Variants in CLPP observed in about 807,000 individuals in gnomAD.
CLPP encodes the protein caseinolytic mitochondrial matrix peptidase proteolytic subunit.
CLPP carries 14 observed loss-of-function variants against 27.4 expected under a neutral mutation model. That is an observed-to-expected ratio of 0.51 (90% CI 0.34 to 0.80). The LOEUF is 0.80. Ranked by LOEUF, CLPP falls within the 30% of genes least tolerant of loss-of-function variation. CLPP has a pLI of 0.02. For synonymous variants in CLPP, 193 were observed against 166.6 expected (o/e 1.16, Z -1.22); for missense variants, 361 against 403.6 (o/e 0.89, Z 0.90).
intron 5 of CLPP, among the ~76,000 whole-genome samples, chr19:6,367,236 G>A (rs2091867095): frequency 6.6e-6 from 1 of 151,962 alleles, no homozygotes; most frequent in Non-Finnish European, 1.5e-5. Flanking sequence ...CTAGCCAGGT[G>A]TGTTGGCACA....
chr19:6,370,184 T>C lies in CLPP; in HGVS notation c.*1474T>C, dbSNP rs2091881160. Among the ~76,000 whole-genome samples the C allele has an allele frequency of 1.3e-5, 2 of 152,164 alleles. No individual in the cohort carries two copies. Among genetic ancestry groups the C allele is most frequent in the Admixed American group, 1.3e-4 (2 of 15,278 alleles). On this transcript the variant is annotated 3_prime_UTR_variant, in exon 6 of 6. Transcript: ENST00000245816. ...TTTGGATATATTATACCTGATGTTT[T>C]GATATGTCCCTCGACATCAGGGTCA... is the stretch of plus-strand genomic sequence containing the variant.
Position 6,362,456 on chromosome 19 carries a change from G to T in CLPP, c.281G>T (p.Ser94Ile). 6.2e-7 allele frequency: 1 copy of T among 1,613,746 alleles called. No homozygotes were observed. Residue 94 changes from serine to isoleucine, a missense_variant, in exon 3 of 6, where the codon AGC becomes ATC. Physicochemically the swap from Ser to Ile is moderately radical, Grantham distance 142. Around this residue, in one of 2 missense-constraint regions of CLPP, gnomAD observed 213 missense variants for 280.9 expected, o/e 0.76. Transcript: ENST00000245816. Reference protein sequence around the residue: ...IVCVMGPIDDSVASLVIAQLL... With the variant: ...IVCVMGPIDDIVASLVIAQLL... ...CCTCTCCACCTGCAGATCGATGACA[G>T]CGTTGCCAGCCTTGTTATCGCACAG...
At chr19:6,368,386 C>G in intron 5 of CLPP, 152 bp from the exon 6 acceptor site, 1 of 739,526 alleles carries the variant, frequency 1.4e-6, no homozygotes, top group Non-Finnish European at 2.2e-6. Flanking sequence ...TCCCAAGGAC[C>G]CCATCTCCAA....
chr19:6,365,303 AC>A (rs1175238958), intron 4 of CLPP: 2 of 151,602 alleles, frequency 1.3e-5, no homozygotes, highest in African/African-American at 2.4e-5. Context: ...ACATGATGAA[AC>A]CCCGTCTCTA....
At chr19:6,362,892 A>G (rs903337610) in intron 3 of CLPP, among the ~76,000 whole-genome samples, 2 of 152,066 alleles carry the variant, frequency 1.3e-5, no homozygotes, top group African/African-American at 2.4e-5. Flanking sequence ...GTTCAAGACC[A>G]GCCTGGGTAA....
chr19:6,361,976 T>A, intron 2 of CLPP, 36 bp downstream of exon 2: 1 of 1,580,758 alleles, frequency 6.3e-7, no homozygotes, highest in East Asian at 2.3e-5. Flanking sequence ...CCCAGGACTC[T>A]CCCAAGCGCC....
chr19:6,369,476 A>G lies in CLPP; in HGVS notation c.*766A>G, dbSNP rs2091878204. On this transcript the variant is annotated 3_prime_UTR_variant, in exon 6 of 6. Transcript: ENST00000245816. Reference sequence around the variant, plus strand: ...GCAAGTGTGAGGGTAAGCGTGTTACAGTTTTTTATGGGGTAATCAGGGAAG... The same window carrying G: ...GCAAGTGTGAGGGTAAGCGTGTTACGGTTTTTTATGGGGTAATCAGGGAAG... Among the ~76,000 whole-genome samples the G allele has an allele frequency of 6.6e-6, 1 of 151,056 alleles. No homozygotes were observed. The highest frequency in any genetic ancestry group is 1.5e-5 in the Non-Finnish European group (1 of 67,962).
At chr19:6,363,052 A>G (rs914215143) in intron 3 of CLPP, among the ~76,000 whole-genome samples, 2 of 152,046 alleles carry the variant, frequency 1.3e-5, no homozygotes. Context: ...CTCAAAAATA[A>G]TCATAATTGG....
At chr19:6,366,230 C>T (rs1031681761) in intron 4 of CLPP, 28 bp from the exon 5 acceptor site, 21 of 1,514,858 alleles carry the variant, frequency 1.4e-5, no homozygotes, top group Non-Finnish European at 1.7e-5. Context: ...CCAACCTTTA[C>T]CCCCTCACTC....
In CLPP at chr19:6,361,542, A is replaced by G. The variant is rs2091832642; in HGVS notation, c.-33A>G. The G allele has an allele frequency of 1.5e-6, 2 of 1,373,724 alleles. No homozygotes were observed. Among genetic ancestry groups the G allele is most frequent in the Non-Finnish European group, 1.9e-6 (2 of 1,058,040 alleles). 85.1% of individuals were successfully genotyped at this position (1,373,724 alleles called of 1,614,324 possible). Reference sequence around the variant, plus strand: ...GCACGCCGGAAGCTGTAGTTCCGCCATCGGACGGAAGCCGACCGGGGCGTG... The same window carrying G: ...GCACGCCGGAAGCTGTAGTTCCGCCGTCGGACGGAAGCCGACCGGGGCGTG... On this transcript the variant is annotated 5_prime_UTR_variant, in exon 1 of 6. Transcript: ENST00000245816.
intron 5 of CLPP, among the ~76,000 whole-genome samples, chr19:6,367,485 T>G (rs1455379667): frequency 1.3e-5 from 2 of 151,742 alleles, no homozygotes; most frequent in Non-Finnish European, 2.9e-5. Context: ...ATTTAAACTA[T>G]AAAAACAAGG....
At chr19:6,364,712 G>T in intron 4 of CLPP, 73 bp downstream of exon 4, 1 of 1,364,726 alleles carries the variant, frequency 7.3e-7, no homozygotes, top group Non-Finnish European at 9.9e-7. Flanking sequence ...CTGGGCGGAA[G>T]TCAAGCGTGG....
chr19:6,366,423 A>G, intron 5 of CLPP, 60 bp downstream of exon 5: 1 of 1,331,980 alleles, frequency 7.5e-7, no homozygotes, highest in Non-Finnish European at 1.1e-6. Flanking sequence ...CGTTGCTCTA[A>G]GCCAGGGCTT....
Position 6,365,175 on chromosome 19 carries a change from A to G in CLPP, c.555+536A>G, listed in dbSNP as rs1321953934. 3 of 150,662 alleles carry G rather than the reference A, an allele frequency of 2.0e-5. No homozygotes were observed. In the South Asian group the frequency reaches 6.3e-4, roughly 32 times the overall value. 9.3% of individuals were successfully genotyped at this position (150,662 alleles called of 1,614,324 possible). On this transcript the variant is annotated intron_variant, in intron 4 of 5. Coordinates refer to ENST00000245816, the MANE Select transcript of CLPP (RefSeq NM_006012.4). ...GGGAACATAATGAGACCTTGTCTCT[A>G]TTAAAGAAAAAAAAAAAAAAGGCCA...
At chr19:6,363,022 C>T (rs117444900) in intron 3 of CLPP, among the ~76,000 whole-genome samples, 2,854 of 151,864 alleles carry the variant, frequency 0.019, 37 homozygotes, top group South Asian at 0.047. Flanking sequence ...CCCAGGAGGT[C>T]GAGGCTGTAG....
At chr19:6,363,872 G>A (rs532428282) in intron 3 of CLPP, among the ~76,000 whole-genome samples, 13 of 147,958 alleles carry the variant, frequency 8.8e-5, no homozygotes, top group Non-Finnish European at 1.3e-4. Flanking sequence ...TCCAGCCTAC[G>A]TGACAGTGAG....
At position 6,361,928 on chromosome 19, in the gene CLPP, C is replaced by T. The variant is rs766055060; in HGVS notation, c.258C>T (p.Cys86=). 5 of 1,598,112 alleles carry T rather than the reference C, an allele frequency of 3.1e-6. No homozygotes were observed. The highest frequency in any genetic ancestry group is 4.2e-6 in the Non-Finnish European group (5 of 1,179,370). ...YSRLLRERIV[C]VMGPIDDSVA... is the part of the protein sequence containing the mutation. The stretch of plus-strand genomic sequence containing the variant: ...GGCTGCTGCGGGAGCGCATCGTGTG[C>T]GTCATGGGCCCGGTGAGCGCCCCGC... Residue 86 remains cysteine, a synonymous_variant, in exon 2 of 6, where the codon TGC becomes TGT. Coordinates refer to ENST00000245816, the MANE Select transcript of CLPP (RefSeq NM_006012.4).
intron 3 of CLPP, among the ~76,000 whole-genome samples, chr19:6,362,974 C>T (rs1427962349): frequency 6.6e-6 from 1 of 152,006 alleles, no homozygotes; most frequent in African/African-American, 2.4e-5. Flanking sequence ...CCTGTAGTCC[C>T]AGCAACTCGG....
rs1391516014 is a variant in CLPP, at chr19:6,361,696, G to A, written c.122G>A (p.Gly41Asp). The A allele has an allele frequency of 2.0e-6, 3 of 1,498,324 alleles. No homozygotes were observed. The highest frequency in any genetic ancestry group is 2.5e-5 in the East Asian group (1 of 40,274). 92.8% of individuals were successfully genotyped at this position (1,498,324 alleles called of 1,614,324 possible). Residue 41 changes from glycine to aspartate, a missense_variant, in exon 1 of 6, where the codon GGC (glycine) becomes GAC (aspartate). Physicochemically the swap from Gly to Asp is moderately conservative, Grantham distance 94. Coordinates refer to ENST00000245816, the MANE Select transcript of CLPP (RefSeq NM_006012.4). ...QRPPQRTLQNGLALQRCLHAT... is the reference protein window; with the variant it reads ...QRPPQRTLQNDLALQRCLHAT... ...CCGCCGCAGCGGACACTCCAGAACGGCCTGGCCCTGCAGCGGTGCCTGCAC... is the reference window on the plus strand; with the variant it reads ...CCGCCGCAGCGGACACTCCAGAACGACCTGGCCCTGCAGCGGTGCCTGCAC...
Sources: allele counts gnomAD v4.1 joint callset (sites outside exome capture counted in the v4.1 genomes callset), GRCh38; gene constraint gnomAD v4.1.1; regional missense constraint gnomAD v4.1.1; transcripts MANE v1.5; gene names NCBI Gene and HGNC (gene_info 2026-07-23, HGNC 2026-07-21).